The following TRIM29 variants were observed in gnomAD, a reference collection of about 807,000 sequenced individuals.
The protein encoded by TRIM29 is tripartite motif-containing protein 29.
TRIM29 carries 52 observed loss-of-function variants against 57.3 expected under a neutral mutation model. That is an observed-to-expected ratio of 0.91 (90% CI 0.73 to 1.14). TRIM29 has a LOEUF of 1.14. Among genes scored for constraint, TRIM29 ranks in the 50% most tolerant of loss-of-function variants. The pLI is 0.00. For missense variants in TRIM29, 753 were observed against 774.6 expected, an observed-to-expected ratio of 0.97 and a Z score of 0.33; for synonymous variants, 319 against 316.9, an observed-to-expected ratio of 1.01 and a Z score of -0.07.
In TRIM29 at chr11:120,122,979, T is replaced by C; in HGVS notation, c.1410A>G (p.Arg470=). The part of the protein sequence containing the change: ...GEWSAPDTMK[R]YSMYLTPKGG... ...CTTTGGGTGTCAGGTACATGGAGTA[T>C]CTCTTCATGGTGTCCGGTGCACTCC... is the stretch of plus-strand genomic sequence containing the variant. Residue 470 remains arginine, a synonymous_variant, in exon 5 of 9, where the codon AGA becomes AGG. Transcript: ENST00000341846. The C allele has an allele frequency of 1.2e-6, 2 of 1,613,988 alleles. No individual in the cohort carries two copies. Among genetic ancestry groups the C allele is most frequent in the Non-Finnish European group, 1.7e-6 (2 of 1,179,964 alleles).
In TRIM29 at chr11:120,138,016, C is replaced by T. The variant is rs754452869; in HGVS notation, c.16G>A (p.Ala6Thr). 10 of 1,598,298 alleles carry T rather than the reference C, an allele frequency of 6.3e-6. No homozygotes were observed. The South Asian group carries it at 6.6e-5, about 11-fold the overall frequency. Residue 6 changes from alanine (A) to threonine (T), a missense_variant, in exon 1 of 9, where the codon GCC (alanine) becomes ACC (threonine). Ala to Thr is a moderately conservative substitution (Grantham distance 58, BLOSUM62 0). Transcript: ENST00000341846. MEAADASRSNGSSPEA... is the reference protein window; with the variant it reads MEAADTSRSNGSSPEA... ...GGGCTCGACCCGTTGCTCCTGGAGG[C>T]ATCTGCAGCTTCCATCGCAGGGTGC...
At chr11:120,120,168 C>G (rs1232013928) in intron 6 of TRIM29, among the ~76,000 whole-genome samples, 1 of 120,786 alleles carries the variant, frequency 8.3e-6, no homozygotes, top group Non-Finnish European at 1.9e-5. Context: ...TGCCCTCATA[C>G]TTGTGGGGGG....
In TRIM29 at chr11:120,137,811, T is replaced by G. The variant is rs755928635; in HGVS notation, c.221A>C (p.Glu74Ala). The G allele has an allele frequency of 6.2e-7, 1 of 1,612,610 alleles. No individual in the cohort carries two copies. The highest frequency in any genetic ancestry group is 8.5e-7 in the Non-Finnish European group (1 of 1,180,004). Reference sequence around the variant, plus strand: ...AAACTGGATGATGGGTCGCCGCCACTCATTGCCCGCGAACAGGGCGCTCCT... The same window carrying G: ...AAACTGGATGATGGGTCGCCGCCACGCATTGCCCGCGAACAGGGCGCTCCT... ...EGRSALFAGN[E>A]WRRPIIQFVE... Residue 74 changes from glutamate to alanine, a missense_variant, in exon 1 of 9, where the codon GAG becomes GCG. Coordinates refer to ENST00000341846, the MANE Select transcript of TRIM29 (RefSeq NM_012101.4). The surrounding 1 kb of genome is among the most constrained non-coding windows in gnomAD (Gnocchi z 6.2).
chr11:120,114,554 C>T (rs955427203), intron 8 of TRIM29, among the ~76,000 whole-genome samples: 5 of 152,196 alleles, frequency 3.3e-5, no homozygotes, highest in Non-Finnish European at 7.3e-5. Flanking sequence ...CGGCAGTGGC[C>T]GACTCCTGTA....
intron 6 of TRIM29, chr11:120,118,741 C>T (rs1435251677): frequency 5.7e-6 from 1 of 174,158 alleles, no homozygotes; most frequent in Non-Finnish European, 1.2e-5. Context: ...AGGCTATGTG[C>T]CCAGACCCTG....
chr11:120,127,071 A>G (rs1390798127), intron 3 of TRIM29, among the ~76,000 whole-genome samples: 2 of 152,222 alleles, frequency 1.3e-5, no homozygotes, highest in African/African-American at 4.8e-5. Context: ...CTGCTAGCAC[A>G]TATCAATTGA....
chr11:120,120,923 C>A, intron 5 of TRIM29: 2 of 570,408 alleles, frequency 3.5e-6, no homozygotes, highest in South Asian at 1.6e-5. Context: ...AGGGCAGAAG[C>A]AGTAGGCTCT....
At chr11:120,115,583 A>T in intron 7 of TRIM29, 169 bp from the exon 8 acceptor site, 1 of 615,972 alleles carries the variant, frequency 1.6e-6, no homozygotes, top group Non-Finnish European at 2.8e-6. Flanking sequence ...CCGCAACCGA[A>T]AATCCTGGGG....
At chr11:120,131,919 C>G (rs1020203427) in intron 1 of TRIM29, among the ~76,000 whole-genome samples, 1 of 149,816 alleles carries the variant, frequency 6.7e-6, no homozygotes. Flanking sequence ...GCAAAAGCCT[C>G]CTGTGGAGGT....
rs1226737660 is a variant in TRIM29, at chr11:120,126,406, A to AT, written c.1135-518dup. On this transcript the variant is annotated intron_variant, in intron 3 of 8. Coordinates refer to ENST00000341846, the MANE Select transcript of TRIM29 (RefSeq NM_012101.4). ...AGGTGTGTGACACCATGCCTAGCTA[A>AT]TTTTTTTTTGTATTTTTAGTAGAGA... 3.7e-3 allele frequency: 568 copies of AT among 151,952 alleles called. 6 individuals are homozygous for AT. Among genetic ancestry groups the AT allele is most frequent in the African/African-American group, 0.012 (477 of 41,202 alleles). The allele number at this position is 151,952 out of a possible 1,614,324, so 9.4% of individuals were successfully genotyped here.
intron 3 of TRIM29, 119 bp downstream of exon 3, chr11:120,127,217 A>T: frequency 2.4e-6 from 2 of 816,438 alleles, no homozygotes; most frequent in South Asian, 3.4e-5. Context: ...TGGATGGTGG[A>T]TGAACAGATA....
At position 120,137,240 on chromosome 11, in the gene TRIM29, C is replaced by G. The variant is rs1863837473; in HGVS notation, c.792G>C (p.Lys264Asn). 6.2e-6 allele frequency: 10 copies of G among 1,614,158 alleles called. No individual in the cohort carries two copies. Among genetic ancestry groups the G allele is most frequent in the Non-Finnish European group, 8.5e-6 (10 of 1,180,032 alleles). ...NHSTVTVEEA[K>N]AEKETELSLQ... ...CCCCAGCACTTACCTCCTTCTCGGC[C>G]TTGGCCTCCTCCACTGTCACGGTGC... Residue 264 changes from lysine to asparagine, a missense_variant, in exon 1 of 9, where the codon AAG becomes AAC. By Grantham distance (94) the Lys-to-Asn change is moderately conservative. Transcript: ENST00000341846. The surrounding 1 kb of genome is among the most constrained non-coding windows in gnomAD (Gnocchi z 6.2).
At chr11:120,128,773 G>A (rs1320262402) in intron 1 of TRIM29, 5 of 1,534,296 alleles carry the variant, frequency 3.3e-6, no homozygotes, top group East Asian at 4.9e-5. Flanking sequence ...CTAAACCTCT[G>A]CCTATCTCCT....
At position 120,118,348 on chromosome 11, in the gene TRIM29, G is replaced by T. The variant is rs900402907; in HGVS notation, c.1529-27C>A. 6.3e-6 allele frequency: 10 copies of T among 1,576,060 alleles called. No homozygotes were observed. In the African/African-American group the frequency reaches 1.3e-4, roughly 21 times the overall value. On this transcript the variant is annotated intron_variant, in intron 6 of 8. Coordinates refer to ENST00000341846, the MANE Select transcript of TRIM29 (RefSeq NM_012101.4). ...TGGCAGGACAAAGAAGGGCTGTCAG[G>T]CCCCCACAGCTGGGAGTGGGAGAGG...
chr11:120,122,517 G>A (rs186624824), intron 5 of TRIM29, among the ~76,000 whole-genome samples: 3 of 152,258 alleles, frequency 2.0e-5, no homozygotes. Context: ...CCTGCCTAGG[G>A]GAGCAGAATG....
chr11:120,120,936 G>T, intron 5 of TRIM29: 1 of 530,744 alleles, frequency 1.9e-6, no homozygotes, highest in South Asian at 1.7e-5. Flanking sequence ...TAGGCTCTCA[G>T]CCACGTGAGG....
At chr11:120,130,814 G>A (rs1202505244) in intron 1 of TRIM29, among the ~76,000 whole-genome samples, 2 of 152,206 alleles carry the variant, frequency 1.3e-5, no homozygotes, top group Non-Finnish European at 2.9e-5. Context: ...GTGGGCAGGT[G>A]GGCCCGGCAT....
At chr11:120,129,052 T>C (rs1200351126) in intron 1 of TRIM29, 1 of 560,898 alleles carries the variant, frequency 1.8e-6, no homozygotes, top group Admixed American at 3.9e-5. Flanking sequence ...GAAGGCATTC[T>C]GCAGTTTTGG....
rs768690712 is a variant in TRIM29 at position 120,120,673 on chromosome 11, G to A, written c.1436-8C>T. On this transcript the variant is annotated splice_polypyrimidine_tract_variant and splice_region_variant and intron_variant, in intron 5 of 8. Coordinates refer to ENST00000341846, the MANE Select transcript of TRIM29 (RefSeq NM_012101.4). ...ATGATGTCCGGACCCCACCTGTGAA[G>A]CAGATGAAGGGGGCTGTCATTGCAG... is the stretch of plus-strand genomic sequence containing the variant. 1 of 1,613,484 alleles carries A rather than the reference G, an allele frequency of 6.2e-7. No individual in the cohort carries two copies. The highest frequency in any genetic ancestry group is 8.5e-7 in the Non-Finnish European group (1 of 1,179,834).
Sources: allele counts gnomAD v4.1 joint callset (sites outside exome capture counted in the v4.1 genomes callset), GRCh38; gene constraint gnomAD v4.1.1; non-coding constraint Gnocchi (gnomAD v3.1); transcripts MANE v1.5; gene names NCBI Gene and HGNC (gene_info 2026-07-23, HGNC 2026-07-21).